Variants in ZBTB20 observed in about 807,000 individuals in gnomAD.
ZBTB20 encodes zinc finger and BTB domain containing 20.
ZBTB20 carries 9 observed loss-of-function variants against 56.9 expected under a neutral mutation model. The observed-to-expected ratio is 0.16, with a 90% CI of 0.10 to 0.28. The LOEUF is 0.28. Among genes scored for constraint, ZBTB20 ranks in the 10% least tolerant of loss-of-function variants. ZBTB20 has a pLI of 1.00. For synonymous variants in ZBTB20, 417 were observed against 420.7 expected (o/e 0.99, Z 0.11); for missense variants, 655 against 1,003.0 (o/e 0.65, Z 4.69).
At chr3:114,473,249 TTA>T (rs2040353268) in intron 7 of ZBTB20, among the ~76,000 whole-genome samples, 1 of 152,218 alleles carries the variant, frequency 6.6e-6, no homozygotes, top group Non-Finnish European at 1.5e-5. Flanking sequence ...CTTTCACATT[TTA>T]TAAAATCACA....
At chr3:114,569,091 T>G (rs888232559) in intron 6 of ZBTB20, among the ~76,000 whole-genome samples, 6 of 152,202 alleles carry the variant, frequency 3.9e-5, no homozygotes, top group Non-Finnish European at 8.8e-5. Context: ...GAAAAGAAAC[T>G]GATTTGGGTG....
chr3:114,672,597 C>T (rs572610875), intron 6 of ZBTB20, among the ~76,000 whole-genome samples: 1 of 152,278 alleles, frequency 6.6e-6, no homozygotes, highest in South Asian at 2.1e-4. Context: ...AGACGCCAGC[C>T]TACCTTACTG....
At chr3:115,142,478 T>C (rs2084840391) in intron 1 of ZBTB20, among the ~76,000 whole-genome samples, 1 of 152,018 alleles carries the variant, frequency 6.6e-6, no homozygotes, top group South Asian at 2.1e-4. Context: ...GTGGCCAACA[T>C]GGTGAAACCC....
At chr3:114,487,965 T>C (rs981687563) in intron 7 of ZBTB20, among the ~76,000 whole-genome samples, 19 of 152,210 alleles carry the variant, frequency 1.2e-4, no homozygotes, top group African/African-American at 4.3e-4. Context: ...TCAGGCAATG[T>C]TGCCAGTGTG....
intron 5 of ZBTB20, among the ~76,000 whole-genome samples, chr3:114,779,432 G>C (rs1277314373): frequency 6.6e-6 from 1 of 152,050 alleles, no homozygotes; most frequent in Non-Finnish European, 1.5e-5. Context: ...ATCACCCCTG[G>C]TAAGAAGTTA....
intron 4 of ZBTB20, among the ~76,000 whole-genome samples, chr3:114,806,186 T>C (rs528590466): frequency 7.0e-4 from 107 of 152,062 alleles, no homozygotes; most frequent in African/African-American, 2.2e-3. Context: ...CTTTCCAAAG[T>C]GACTATACTC....
chr3:114,987,235 T>C (rs1305027071), intron 2 of ZBTB20, among the ~76,000 whole-genome samples: 2 of 152,144 alleles, frequency 1.3e-5, no homozygotes, highest in African/African-American at 2.4e-5. Flanking sequence ...AACCTTGAGA[T>C]GGTTGAAATA....
At chr3:114,706,094 A>G (rs559913765) in intron 5 of ZBTB20, among the ~76,000 whole-genome samples, 3 of 152,148 alleles carry the variant, frequency 2.0e-5, no homozygotes, top group Admixed American at 6.6e-5. Flanking sequence ...AGAAAGAGAG[A>G]GAGAGAGAGA....
intron 3 of ZBTB20, among the ~76,000 whole-genome samples, chr3:114,919,964 T>C (rs2075894554): frequency 6.6e-6 from 1 of 151,894 alleles, no homozygotes; most frequent in South Asian, 2.1e-4. Context: ...CAAAAGAGAA[T>C]AGGAGTGGTT....
At chr3:114,678,483 T>C (rs1340633562) in intron 6 of ZBTB20, among the ~76,000 whole-genome samples, 1 of 152,156 alleles carries the variant, frequency 6.6e-6, no homozygotes, top group African/African-American at 2.4e-5. Context: ...ACTGAAGATA[T>C]AGGTACCATT....
chr3:115,118,537 C>G (rs1156678039), intron 1 of ZBTB20, among the ~76,000 whole-genome samples: 2 of 151,920 alleles, frequency 1.3e-5, no homozygotes, highest in Non-Finnish European at 2.9e-5. Context: ...CAAGCCTGCT[C>G]CCCTATTTTA....
At chr3:114,926,451 A>G (rs1298105545) in intron 3 of ZBTB20, among the ~76,000 whole-genome samples, 2 of 152,164 alleles carry the variant, frequency 1.3e-5, no homozygotes, top group African/African-American at 4.8e-5. Flanking sequence ...ATTTCTCCAC[A>G]CAAGAAGCAA....
intron 5 of ZBTB20, among the ~76,000 whole-genome samples, chr3:114,740,326 AT>A (rs2066483489): frequency 6.6e-6 from 1 of 152,210 alleles, no homozygotes; most frequent in African/African-American, 2.4e-5. Context: ...TAGCATAGGT[AT>A]GATGCTAATG....
intron 2 of ZBTB20, among the ~76,000 whole-genome samples, chr3:115,003,702 T>A (rs1027806730): frequency 1.3e-5 from 2 of 151,358 alleles, no homozygotes; most frequent in Admixed American, 1.3e-4. Flanking sequence ...ACAAAAACAC[T>A]AAGTTTAACA....
chr3:114,987,592 G>A (rs1167097307), intron 2 of ZBTB20, among the ~76,000 whole-genome samples: 2 of 151,586 alleles, frequency 1.3e-5, no homozygotes, highest in African/African-American at 4.9e-5. Flanking sequence ...TGTTTGTTCA[G>A]CATGCTGAAG....
chr3:114,452,093 G>T (rs2109035752), intron 7 of ZBTB20, among the ~76,000 whole-genome samples: 1 of 151,878 alleles, frequency 6.6e-6, no homozygotes, highest in South Asian at 2.1e-4. Flanking sequence ...AAAAGGGGGG[G>T]TACCAAATGA....
chr3:115,133,737 T>C lies in ZBTB20; in HGVS notation c.-703+13482A>G, dbSNP rs557902563. Among the ~76,000 whole-genome samples the C allele has an allele frequency of 1.1e-4, 16 of 152,344 alleles. No homozygotes were observed. In the South Asian group the frequency reaches 3.1e-3, roughly 30 times the overall value. On this transcript the variant is annotated intron_variant, in intron 1 of 11. Transcript: ENST00000675478. ...TATTTTTTATGGCTATTATATTGTA[T>C]AGATATATCATAGATGAATAATTTT...
chr3:114,688,667 C>T (rs549728003), intron 6 of ZBTB20, among the ~76,000 whole-genome samples: 2 of 152,106 alleles, frequency 1.3e-5, no homozygotes, highest in African/African-American at 2.4e-5. Flanking sequence ...ACATGATTAA[C>T]CGATCAATTT....
intron 2 of ZBTB20, among the ~76,000 whole-genome samples, chr3:115,070,278 T>G (rs1017741045): frequency 7.5e-5 from 11 of 147,560 alleles, no homozygotes; most frequent in Non-Finnish European, 1.2e-4. Flanking sequence ...TTAAAAAGTC[T>G]TTCCAAAGCA....
Sources: allele counts gnomAD v4.1 joint callset (sites outside exome capture counted in the v4.1 genomes callset), GRCh38; gene constraint gnomAD v4.1.1; transcripts MANE v1.5; gene names NCBI Gene and HGNC (gene_info 2026-07-23, HGNC 2026-07-21).